CMSS1: variants seen among roughly 807,000 people sequenced by gnomAD.
CMSS1 encodes protein CMSS1.
A neutral mutation model predicts 43.5 loss-of-function variants in CMSS1; 33 were observed. The observed-to-expected ratio is 0.76, with a 90% CI of 0.57 to 1.01. The LOEUF (loss-of-function observed/expected upper bound fraction) is 1.01, where lower values mean the gene tolerates loss of function less well. Ranked by LOEUF, CMSS1 falls within the 50% of genes least tolerant of loss-of-function variation. The pLI is 0.00. For synonymous variants in CMSS1, 115 were observed against 117.2 expected, an observed-to-expected ratio of 0.98 and a Z score of 0.12; for missense variants, 313 against 326.4, an observed-to-expected ratio of 0.96 and a Z score of 0.32.
At chr3:99,843,547 G>A (rs1244771490) in intron 1 of CMSS1, among the ~76,000 whole-genome samples, 1 of 151,962 alleles carries the variant, frequency 6.6e-6, no homozygotes, top group Non-Finnish European at 1.5e-5. Flanking sequence ...CTTATGATGG[G>A]GTTAGAACCA....
intron 1 of CMSS1, among the ~76,000 whole-genome samples, chr3:99,972,678 C>T (rs68092024): frequency 0.68 from 103,600 of 152,040 alleles, 36,498 homozygotes; most frequent in African/African-American, 0.87. Context: ...AGATTGAAGG[C>T]ATGGGCAAAG....
chr3:99,925,475 C>G (rs1054829670), intron 1 of CMSS1, among the ~76,000 whole-genome samples: 3 of 152,078 alleles, frequency 2.0e-5, no homozygotes, highest in Non-Finnish European at 4.4e-5. Flanking sequence ...AGACTGGAAA[C>G]AAAACAAGCA....
chr3:100,092,776 C>G (rs549736831), intron 1 of CMSS1, among the ~76,000 whole-genome samples: 1 of 151,388 alleles, frequency 6.6e-6, no homozygotes, highest in African/African-American at 2.4e-5. Flanking sequence ...TCCCTGCATT[C>G]AGCATCCTTT....
At chr3:100,043,861 T>C (rs1269323628) in intron 1 of CMSS1, among the ~76,000 whole-genome samples, 1 of 152,224 alleles carries the variant, frequency 6.6e-6, no homozygotes, top group African/African-American at 2.4e-5. Flanking sequence ...CAGTATGTTA[T>C]TTTGAATAAC....
chr3:99,912,459 C>T (rs1706821535), intron 1 of CMSS1, among the ~76,000 whole-genome samples: 1 of 152,180 alleles, frequency 6.6e-6, no homozygotes, highest in Non-Finnish European at 1.5e-5. Flanking sequence ...TTACTGCAGC[C>T]TTGACCTCCC....
intron 1 of CMSS1, among the ~76,000 whole-genome samples, chr3:99,882,822 G>A (rs79109899): frequency 0.012 from 1,764 of 152,290 alleles, 18 homozygotes; most frequent in African/African-American, 0.026. Flanking sequence ...TGAGCTAGTT[G>A]TCTACTTTAT....
chr3:99,987,648 A>G (rs1268566599), intron 1 of CMSS1, among the ~76,000 whole-genome samples: 3 of 152,160 alleles, frequency 2.0e-5, no homozygotes, highest in Non-Finnish European at 2.9e-5. Flanking sequence ...CATGTCTGAC[A>G]AGACTAACAA....
intron 1 of CMSS1, among the ~76,000 whole-genome samples, chr3:99,866,256 A>C (rs982095127): frequency 2.0e-5 from 3 of 152,130 alleles, no homozygotes; most frequent in Non-Finnish European, 4.4e-5. Flanking sequence ...AAAAAGCCAA[A>C]GCAGGGGCCA....
chr3:100,053,186 G>T (rs1325488175), intron 1 of CMSS1, among the ~76,000 whole-genome samples: 6 of 152,102 alleles, frequency 3.9e-5, no homozygotes, highest in Admixed American at 3.3e-4. Flanking sequence ...TTCTGCCCCA[G>T]AAGTGTCTTG....
chr3:100,106,148 C>G (rs2066391519), intron 1 of CMSS1, among the ~76,000 whole-genome samples: 1 of 152,072 alleles, frequency 6.6e-6, no homozygotes, highest in Admixed American at 6.6e-5. Flanking sequence ...CAATCAGATA[C>G]AGATACCACA....
intron 1 of CMSS1, among the ~76,000 whole-genome samples, chr3:100,001,749 C>A (rs1389101077): frequency 3.3e-5 from 5 of 152,264 alleles, no homozygotes; most frequent in Non-Finnish European, 5.9e-5. Flanking sequence ...AGGTTGGATC[C>A]TTTGAATTTA....
At position 99,820,053 on chromosome 3, in the gene CMSS1, C is replaced by A. The variant is rs537690394; in HGVS notation, c.64+2010C>A. On this transcript the variant is annotated intron_variant, in intron 1 of 9. Transcript: ENST00000421999. The stretch of plus-strand genomic sequence containing the variant: ...CAGGCGTGAGCCACCGTGCCTGGCC[C>A]CCAACAGTTTTAAACACTGAATCTA... Among the ~76,000 whole-genome samples the A allele has an allele frequency of 7.2e-5, 11 of 151,810 alleles. No homozygotes were observed. The South Asian group carries it at 2.3e-3, about 32-fold the overall frequency.
chr3:99,833,584 G>A (rs914100149), intron 1 of CMSS1, among the ~76,000 whole-genome samples: 10 of 152,238 alleles, frequency 6.6e-5, no homozygotes, highest in African/African-American at 2.4e-4. Context: ...GACAGCTGGA[G>A]TCAGGATGTT....
chr3:100,126,914 T>C (rs961784559), intron 1 of CMSS1, among the ~76,000 whole-genome samples: 4 of 151,460 alleles, frequency 2.6e-5, no homozygotes, highest in South Asian at 2.1e-4. Flanking sequence ...AGGAGAATGG[T>C]GTGAACCCGG....
At chr3:100,077,167 A>G (rs867078604) in intron 1 of CMSS1, among the ~76,000 whole-genome samples, 6 of 152,210 alleles carry the variant, frequency 3.9e-5, no homozygotes, top group Non-Finnish European at 4.4e-5. Context: ...TTGACATGCA[A>G]AGAACTTAGG....
chr3:100,140,188 G>A (rs1242427270), intron 1 of CMSS1, among the ~76,000 whole-genome samples: 1 of 151,766 alleles, frequency 6.6e-6, no homozygotes, highest in Non-Finnish European at 1.5e-5. Flanking sequence ...CTGAAGCAGA[G>A]ATTTGAACCC....
At chr3:100,099,958 T>C (rs2066276862) in intron 1 of CMSS1, among the ~76,000 whole-genome samples, 1 of 152,174 alleles carries the variant, frequency 6.6e-6, no homozygotes, top group South Asian at 2.1e-4. Flanking sequence ...CATGCTCAAG[T>C]TGAGACTAAC....
intron 1 of CMSS1, among the ~76,000 whole-genome samples, chr3:99,853,481 T>G (rs1943805612): frequency 6.6e-6 from 1 of 152,072 alleles, no homozygotes; most frequent in African/African-American, 2.4e-5. Flanking sequence ...ATTAAAAGAG[T>G]ATTAAAAGGG....
intron 1 of CMSS1, among the ~76,000 whole-genome samples, chr3:99,859,158 G>GGGTC (rs1323567140): frequency 6.6e-6 from 1 of 152,194 alleles, no homozygotes; most frequent in Non-Finnish European, 1.5e-5. Context: ...TTTTATAAAT[G>GGGTC]GGTCCATCCA....
Sources: allele counts gnomAD v4.1 joint callset (sites outside exome capture counted in the v4.1 genomes callset), GRCh38; gene constraint gnomAD v4.1.1; transcripts MANE v1.5; gene names NCBI Gene and HGNC (gene_info 2026-07-23, HGNC 2026-07-21).